The following HERC6 variants were observed in gnomAD, a reference collection of about 807,000 sequenced individuals.
HERC6 encodes the protein probable E3 ubiquitin-protein ligase HERC6.
Under a neutral mutation model 114.5 loss-of-function variants are expected in HERC6, and 101 were observed. The ratio of observed to expected loss-of-function variants is 0.88; its 90% CI spans 0.75 to 1.04. HERC6 has a LOEUF of 1.04. Ranked by LOEUF, HERC6 falls within the 50% of genes least tolerant of loss-of-function variation. The probability of loss-of-function intolerance (pLI) is 0.00; values close to 1 mark genes in which losing one functional copy is unlikely to be tolerated. For missense variants in HERC6, 1,133 were observed against 1,230.9 expected, an observed-to-expected ratio of 0.92 and a Z score of 1.19; for synonymous variants, 408 against 436.2, an observed-to-expected ratio of 0.94 and a Z score of 0.81.
At chr4:88,412,122 T>C (rs1265581763) in intron 11 of HERC6, among the ~76,000 whole-genome samples, 1 of 152,186 alleles carries the variant, frequency 6.6e-6, no homozygotes, top group African/African-American at 2.4e-5. Context: ...TCCTTGCTCA[T>C]CTGTAAAAAC....
intron 7 of HERC6, among the ~76,000 whole-genome samples, chr4:88,397,504 C>A (rs948267434): frequency 4.0e-5 from 6 of 151,828 alleles, no homozygotes; most frequent in African/African-American, 1.5e-4. Context: ...TCAAGACCAG[C>A]CTGGCCAACA....
intron 19 of HERC6, among the ~76,000 whole-genome samples, chr4:88,437,379 A>T (rs1480243944): frequency 6.6e-6 from 1 of 152,132 alleles, no homozygotes; most frequent in Non-Finnish European, 1.5e-5. Flanking sequence ...TTTTTAAAAG[A>T]CATTTTATTT....
intron 17 of HERC6, among the ~76,000 whole-genome samples, chr4:88,432,385 T>A (rs902731403): frequency 1.3e-5 from 2 of 151,498 alleles, no homozygotes; most frequent in African/African-American, 4.9e-5. Flanking sequence ...GTATCCCTTT[T>A]TTGAGACTCC....
At chr4:88,391,000 T>G in intron 4 of HERC6, 121 bp downstream of exon 4, 39 of 714,168 alleles carry the variant, frequency 5.5e-5, no homozygotes, top group Non-Finnish European at 8.0e-5. Context: ...CACATTCGAA[T>G]AGCCTAGGGA....
At chr4:88,392,879 A>G (rs1288976888) in intron 4 of HERC6, among the ~76,000 whole-genome samples, 1 of 152,172 alleles carries the variant, frequency 6.6e-6, no homozygotes, top group Non-Finnish European at 1.5e-5. Context: ...TAACCAATGA[A>G]CTTGTTTCGA....
intron 16 of HERC6, among the ~76,000 whole-genome samples, chr4:88,429,778 G>C (rs186713292): frequency 6.6e-6 from 1 of 152,206 alleles, no homozygotes; most frequent in East Asian, 1.9e-4. Flanking sequence ...TTATAAACCA[G>C]GCTTTCTAGT....
intron 3 of HERC6, 115 bp from the exon 4 acceptor site, chr4:88,390,533 TTTTA>T (rs1578373109): frequency 2.2e-6 from 2 of 905,820 alleles, no homozygotes; most frequent in South Asian, 3.7e-5. Context: ...TAGATGAAAT[TTTTA>T]TTTGTCAATT....
At position 88,379,686 on chromosome 4, in the gene HERC6, A is replaced by G. The variant is rs1007139397; in HGVS notation, c.199+566A>G. On this transcript the variant is annotated intron_variant, in intron 1 of 22. Transcript: ENST00000264346. The stretch of plus-strand genomic sequence containing the variant: ...ATATATATAATATATAAATATATAC[A>G]AATATATAATATATAAATATATAAT... 2.9e-3 allele frequency among the ~76,000 whole-genome samples: 146 copies of G among 49,572 alleles called. 13 individuals are homozygous for G. The East Asian group carries it at 0.064, about 22-fold the overall frequency. 32.5% of individuals were successfully genotyped at this position (49,572 alleles called of 152,430 possible). A position where few individuals can be genotyped will look rare whatever the true frequency, so the allele number is the denominator to read the frequency against.
chr4:88,411,056 T>C (rs1736071640), intron 11 of HERC6, among the ~76,000 whole-genome samples: 1 of 152,188 alleles, frequency 6.6e-6, no homozygotes, highest in Non-Finnish European at 1.5e-5. Flanking sequence ...TATACCATTT[T>C]GATGGGTCTG....
At chr4:88,404,352 T>A (rs1234145546) in intron 8 of HERC6, among the ~76,000 whole-genome samples, 2 of 151,932 alleles carry the variant, frequency 1.3e-5, no homozygotes, top group Non-Finnish European at 2.9e-5. Context: ...CATGCCCGGC[T>A]AATTTTTTGT....
intron 5 of HERC6, among the ~76,000 whole-genome samples, chr4:88,395,516 C>G (rs1735181560): frequency 1.3e-5 from 2 of 152,096 alleles, no homozygotes; most frequent in African/African-American, 4.8e-5. Context: ...TTACCACAAT[C>G]AAGCTAGTTA....
rs1295331004 is a variant in HERC6, at chr4:88,378,871, T to A, written c.-51T>A. ...CCAGTCACCAGCGTTCGGGAGCCTG[T>A]CGCAGCGGGACCGACGGAATCCGGA... On this transcript the variant is annotated 5_prime_UTR_variant, in exon 1 of 23. Coordinates refer to ENST00000264346, the MANE Select transcript of HERC6 (RefSeq NM_017912.4). The A allele has an allele frequency of 2.7e-6, 4 of 1,491,202 alleles. No homozygotes were observed. Among genetic ancestry groups the A allele is most frequent in the Non-Finnish European group, 3.6e-6 (4 of 1,112,660 alleles). The allele number at this position is 1,491,202 out of a possible 1,614,324, so 92.4% of individuals were successfully genotyped here.
chr4:88,385,998 C>T lies in HERC6; in HGVS notation c.436+423C>T, dbSNP rs560241663. 4.6e-5 allele frequency among the ~76,000 whole-genome samples: 7 copies of T among 152,062 alleles called. No homozygotes were observed. In the East Asian group the frequency reaches 1.2e-3, roughly 25 times the overall value. Reference sequence around the variant, plus strand: ...TTTTACTTATTTATTTTTATTGACACATAACAATTGTACATCTACACTTTT... The same window carrying T: ...TTTTACTTATTTATTTTTATTGACATATAACAATTGTACATCTACACTTTT... On this transcript the variant is annotated intron_variant, in intron 3 of 22. Transcript: ENST00000264346.
chr4:88,394,343 G>A (rs1735094295), intron 5 of HERC6, among the ~76,000 whole-genome samples: 1 of 150,840 alleles, frequency 6.6e-6, no homozygotes, highest in Non-Finnish European at 1.5e-5. Flanking sequence ...CATGGTTACG[G>A]GCACCTGTAG....
rs771279440 is a variant in HERC6, at chr4:88,394,630, C to T, written c.759+1048C>T. Reference sequence around the variant, plus strand: ...TGCAATCTCGGCTCACTGCAACCTTCGCCTCCCAGGTTCAAGCAATTCTCC... The same window carrying T: ...TGCAATCTCGGCTCACTGCAACCTTTGCCTCCCAGGTTCAAGCAATTCTCC... On this transcript the variant is annotated intron_variant, in intron 5 of 22. Coordinates refer to ENST00000264346, the MANE Select transcript of HERC6 (RefSeq NM_017912.4). Among the ~76,000 whole-genome samples the T allele has an allele frequency of 1.8e-4, 28 of 151,438 alleles. No homozygotes were observed. The South Asian group carries it at 2.3e-3, about 12-fold the overall frequency.
rs370896373 is a variant in HERC6 at position 88,413,217 on chromosome 4, A to C, written c.1509A>C (p.Pro503=). ...DSKNWKNLVV[P]FAKAVCEMSK... is the part of the protein sequence containing the mutation. ...AGAACTGGAAGAACCTGGTGGTTCCATTTGCAAAGGCTGTGTGTGAAATGA... is the reference window on the plus strand; with the variant it reads ...AGAACTGGAAGAACCTGGTGGTTCCCTTTGCAAAGGCTGTGTGTGAAATGA... The change falls in exon 12 of 23, where the codon CCA becomes CCC. Residue 503 remains proline, a synonymous_variant. Transcript: ENST00000264346. The C allele has an allele frequency of 6.3e-5, 101 of 1,613,318 alleles. No homozygotes were observed. In the African/African-American group the frequency reaches 1.1e-3, roughly 17 times the overall value.
chr4:88,406,245 G>A (rs1027757820), intron 10 of HERC6, among the ~76,000 whole-genome samples: 2 of 152,242 alleles, frequency 1.3e-5, no homozygotes, highest in African/African-American at 2.4e-5. Context: ...TGATCTGTCT[G>A]CAGCTAGTGT....
At chr4:88,405,319 G>A (rs1735766863) in intron 9 of HERC6, among the ~76,000 whole-genome samples, 1 of 152,156 alleles carries the variant, frequency 6.6e-6, no homozygotes, top group Non-Finnish European at 1.5e-5. Context: ...GGTCTTCACA[G>A]GGATAGGTTT....
In HERC6 at chr4:88,397,004, T is replaced by TCCCG; in HGVS notation, c.1024+17_1024+18insCCCG. The TCCCG allele has an allele frequency of 6.2e-7, 1 of 1,603,314 alleles. No individual in the cohort carries two copies. Among genetic ancestry groups the TCCCG allele is most frequent in the Non-Finnish European group, 8.5e-7 (1 of 1,173,682 alleles). On this transcript the variant is annotated intron_variant, in intron 7 of 22. Transcript: ENST00000264346. ...CTGCTGAAGGTGTGAATCCCACTAA[T>TCCCG]TCATGATTTTGTGTTCATCAATGCC... is the stretch of plus-strand genomic sequence containing the variant.
Sources: gnomAD v4.1 joint callset for allele counts (sites outside exome capture counted in the v4.1 genomes callset) on GRCh38, gnomAD v4.1.1 for gene constraint, MANE v1.5 for transcripts, NCBI Gene and HGNC (gene_info 2026-07-23, HGNC 2026-07-21) for gene names.